The following OTOGL variants were observed in gnomAD, a reference collection of about 807,000 sequenced individuals.
OTOGL encodes otogelin like.
OTOGL carries 285 observed loss-of-function variants against 318.5 expected under a neutral mutation model. The observed-to-expected ratio is 0.89, with a 90% CI of 0.81 to 0.99. The LOEUF is 0.99. Ranked by LOEUF, OTOGL falls within the 50% of genes least tolerant of loss-of-function variation. OTOGL has a pLI of 0.00. For missense variants in OTOGL, 2,899 were observed against 2,845.6 expected (o/e 1.02, Z -0.43); for synonymous variants, 987 against 936.5 (o/e 1.05, Z -0.99).
intron 1 of OTOGL, among the ~76,000 whole-genome samples, chr12:80,156,472 C>T (rs1873125007): frequency 6.6e-6 from 1 of 152,168 alleles, no homozygotes; most frequent in South Asian, 2.1e-4. Flanking sequence ...ATACACCATT[C>T]ATCTGTTGAT....
intron 22 of OTOGL, among the ~76,000 whole-genome samples, chr12:80,269,514 C>T (rs1156576702): frequency 3.3e-5 from 5 of 152,136 alleles, no homozygotes; most frequent in Admixed American, 3.3e-4. Flanking sequence ...TAGGAGCTAG[C>T]CTCTGCCTCT....
Position 80,296,828 on chromosome 12 carries a change from G to T in OTOGL, c.2930G>T (p.Ser977Ile), listed in dbSNP as rs1195961302. The T allele has an allele frequency of 3.0e-5, 45 of 1,486,822 alleles. No homozygotes were observed. The highest frequency in any genetic ancestry group is 3.8e-5 in the Non-Finnish European group (42 of 1,109,688). 92.1% of individuals were successfully genotyped at this position (1,486,822 alleles called of 1,614,324 possible). The change falls in exon 27 of 59, where the codon AGT (serine) becomes ATT (isoleucine). Residue 977 changes from serine (S) to isoleucine (I), a missense_variant and splice_region_variant. By Grantham distance (142) the Ser-to-Ile change is moderately radical. This residue lies in a region of OTOGL where 2,607 missense variants were observed against 2,524.9 expected (regional missense o/e 1.03). Coordinates refer to ENST00000547103, the MANE Select transcript of OTOGL (RefSeq NM_001378609.3). Reference sequence around the variant, plus strand: ...AATAAAATATTTGTGACATTTCAGAGTGCAGATGATTCAGATATATCTGTC... The same window carrying T: ...AATAAAATATTTGTGACATTTCAGATTGCAGATGATTCAGATATATCTGTC... ...ISDCQVFLIK[S>I]ADDSDISVIA...
chr12:80,261,891 T>C, intron 18 of OTOGL, 78 bp from the exon 19 acceptor site: 1 of 1,463,290 alleles, frequency 6.8e-7, no homozygotes, highest in Non-Finnish European at 9.2e-7. Context: ...AAAATAGTAT[T>C]CTCTTATTTA....
In OTOGL at chr12:80,217,590, T is replaced by C. The variant is rs189897002; in HGVS notation, c.169-8T>C. On this transcript the variant is annotated splice_polypyrimidine_tract_variant and splice_region_variant and intron_variant, in intron 4 of 58. Transcript: ENST00000547103. ...ACTGTATTGCATTCTCATTTCTTTC[T>C]TTCAAAGTTTGAAGCTACTTCTCCG... The C allele has an allele frequency of 1.1e-4, 165 of 1,517,920 alleles. No individual in the cohort carries two copies. The African/African-American group carries it at 2.0e-3, about 18-fold the overall frequency. The allele number at this position is 1,517,920 out of a possible 1,614,324, so 94.0% of individuals were successfully genotyped here. A position where few individuals can be genotyped will look rare whatever the true frequency, so the allele number is the denominator to read the frequency against.
At chr12:80,252,792 C>T (rs980622348) in intron 13 of OTOGL, among the ~76,000 whole-genome samples, 2 of 152,154 alleles carry the variant, frequency 1.3e-5, no homozygotes, top group Admixed American at 6.5e-5. Context: ...TGTTTGGCCT[C>T]TGCTCATTGT....
At chr12:80,239,607 A>G (rs989272894) in intron 11 of OTOGL, among the ~76,000 whole-genome samples, 168 bp downstream of exon 11, 2 of 152,146 alleles carry the variant, frequency 1.3e-5, no homozygotes, top group African/African-American at 4.8e-5. Flanking sequence ...GTCACCGTCT[A>G]ATTTTTTTTA....
intron 14 of OTOGL, 51 bp from the exon 15 acceptor site, chr12:80,254,470 CATT>C (rs1881847789): frequency 1.4e-6 from 2 of 1,445,082 alleles, no homozygotes; most frequent in Admixed American, 1.7e-5. Flanking sequence ...TTGATGCAAA[CATT>C]AATACAGTTT....
chr12:80,217,245 T>C (rs533758693), intron 4 of OTOGL, among the ~76,000 whole-genome samples: 1 of 152,148 alleles, frequency 6.6e-6, no homozygotes, highest in African/African-American at 2.4e-5. Flanking sequence ...CCAGGCTCCT[T>C]TCATGAGGTT....
intron 37 of OTOGL, among the ~76,000 whole-genome samples, chr12:80,329,833 A>G (rs1887957674): frequency 6.6e-6 from 1 of 152,182 alleles, no homozygotes; most frequent in South Asian, 2.1e-4. Context: ...GCCCTCAGTG[A>G]GGAGATATGA....
Position 80,103,456 on chromosome 12 carries a change from A to G in OTOGL, c.-20+3851A>G, listed in dbSNP as rs137933496. 4.9e-4 allele frequency: 293 copies of G among 599,710 alleles called. 1 individual carries two copies. The highest frequency in any genetic ancestry group is 4.7e-3 in the African/African-American group (252 of 53,886). The allele number at this position is 599,710 out of a possible 1,614,324, so 37.1% of individuals were successfully genotyped here. A position where few individuals can be genotyped will look rare whatever the true frequency, so the allele number is the denominator to read the frequency against. On this transcript the variant is annotated intron_variant, in intron 1 of 58. Coordinates refer to ENST00000547103, the MANE Select transcript of OTOGL (RefSeq NM_001378609.3). ...CCAGAATGTTGTCCCTTCTCTTCCC[A>G]TAGTTAATTCTTATGAATTCTTCAA...
chr12:80,302,568 T>A (rs1885833047), intron 27 of OTOGL, 66 bp from the exon 28 acceptor site: 2 of 1,047,218 alleles, frequency 1.9e-6, no homozygotes, highest in South Asian at 8.2e-5. Flanking sequence ...TTAACTAAAC[T>A]AATTTGATAT....
At chr12:80,137,006 T>A (rs1423882266) in intron 1 of OTOGL, among the ~76,000 whole-genome samples, 3 of 152,156 alleles carry the variant, frequency 2.0e-5, no homozygotes, top group South Asian at 4.1e-4. Context: ...TTGGCTGGAT[T>A]AATGCTGTCA....
At chr12:80,118,607 T>C (rs1870304957) in intron 1 of OTOGL, among the ~76,000 whole-genome samples, 1 of 152,232 alleles carries the variant, frequency 6.6e-6, no homozygotes, top group East Asian at 1.9e-4. Context: ...TAGAGTAATG[T>C]GAAATATGGT....
chr12:80,206,613 G>A (rs7314662), intron 1 of OTOGL, among the ~76,000 whole-genome samples: 48,872 of 151,774 alleles, frequency 0.32, 8,062 homozygotes, highest in East Asian at 0.41. Context: ...GGGCTCAAAC[G>A]ATCCTTCCAC....
At chr12:80,354,550 G>A (rs192323636) in intron 46 of OTOGL, among the ~76,000 whole-genome samples, 5 of 151,998 alleles carry the variant, frequency 3.3e-5, no homozygotes, top group Non-Finnish European at 7.4e-5. Context: ...TGAGATGATT[G>A]CAACACAGGA....
At chr12:80,195,418 T>C (rs144509614) in intron 1 of OTOGL, among the ~76,000 whole-genome samples, 3 of 152,262 alleles carry the variant, frequency 2.0e-5, no homozygotes, top group Non-Finnish European at 2.9e-5. Flanking sequence ...TTATGGAATA[T>C]AAGGTCATGC....
At chr12:80,114,994 G>A (rs1870075533) in intron 1 of OTOGL, among the ~76,000 whole-genome samples, 1 of 151,176 alleles carries the variant, frequency 6.6e-6, no homozygotes, top group African/African-American at 2.4e-5. Context: ...TCTAAAGTTA[G>A]TAATTCCTCT....
chr12:80,178,490 C>G (rs1186503890), intron 1 of OTOGL, among the ~76,000 whole-genome samples: 1 of 152,170 alleles, frequency 6.6e-6, no homozygotes, highest in African/African-American at 2.4e-5. Flanking sequence ...CTGTAGTTCT[C>G]TATTTTTTAG....
intron 1 of OTOGL, among the ~76,000 whole-genome samples, chr12:80,196,477 G>C (rs894119192): frequency 1.3e-5 from 2 of 152,222 alleles, no homozygotes; most frequent in South Asian, 4.1e-4. Flanking sequence ...TCACTGCTCT[G>C]TTTGGATGAC....
Sources: allele counts gnomAD v4.1 joint callset (sites outside exome capture counted in the v4.1 genomes callset), GRCh38; gene constraint gnomAD v4.1.1; regional missense constraint gnomAD v4.1.1; transcripts MANE v1.5; gene names NCBI Gene and HGNC (gene_info 2026-07-23, HGNC 2026-07-21).